The following TBC1D31 variants were observed in gnomAD, a reference collection of about 807,000 sequenced individuals.
TBC1D31 encodes the protein TBC1 domain family member 31.
A neutral mutation model predicts 132.9 loss-of-function variants in TBC1D31; 99 were observed. The observed-to-expected ratio is 0.74, with a 90% confidence interval of 0.63 to 0.88. The LOEUF (loss-of-function observed/expected upper bound fraction) is 0.88, where lower values mean the gene tolerates loss of function less well. TBC1D31 is among the 40% of genes least tolerant of loss of function. The probability of loss-of-function intolerance (pLI) is 0.00; values close to 1 mark genes in which losing one functional copy is unlikely to be tolerated. For synonymous variants in TBC1D31, 385 were observed against 419.4 expected, an observed-to-expected ratio of 0.92 and a Z score of 1.00; for missense variants, 1,134 against 1,256.6, an observed-to-expected ratio of 0.90 and a Z score of 1.48.
chr8:123,134,195 CT>C lies in TBC1D31; in HGVS notation c.2491del (p.Tyr831MetfsTer37). 6.2e-7 allele frequency: 1 copy of C among 1,613,586 alleles called. No individual in the cohort carries two copies. Among genetic ancestry groups the C allele is most frequent in the Non-Finnish European group, 8.5e-7 (1 of 1,179,620 alleles). On this transcript the variant is annotated frameshift_variant, in exon 17 of 22. Transcript: ENST00000287380. LOFTEE classifies it high-confidence loss of function. ...GCTGGAACTCGAATCACAAAAGAGA[CT>C]TTATGAGAAGGTATAATTCAGTTAT... ...RQLELESQKR[L>X]YEKNLTENQE... is the part of the protein sequence containing the mutation.
At position 123,095,926 on chromosome 8, in the gene TBC1D31, C is replaced by T. The variant is rs369564456; in HGVS notation, c.672-1356C>T. Among the ~76,000 whole-genome samples the T allele has an allele frequency of 3.3e-5, 5 of 152,118 alleles. No homozygotes were observed. In the South Asian group the frequency reaches 6.2e-4, roughly 19 times the overall value. On this transcript the variant is annotated intron_variant, in intron 5 of 21. Transcript: ENST00000287380. ...AGATGTTAATTCCTCTCTTTTCTCA[C>T]GCTGTTCTTCTAAGTCATCAGTAAA...
chr8:123,163,747 T>C, the TBC1D31 span, among the ~76,000 whole-genome samples: 1 of 152,192 alleles, frequency 6.6e-6, no homozygotes, highest in Non-Finnish European at 1.5e-5. Context: ...ATAAGTTCTT[T>C]AGTGGTGATT....
At chr8:123,084,052 A>T in intron 3 of TBC1D31, 110 bp from the exon 4 acceptor site, 1 of 896,834 alleles carries the variant, frequency 1.1e-6, no homozygotes, top group Non-Finnish European at 1.7e-6. Context: ...GAGGTGCCTC[A>T]TATAATACCT....
chr8:123,133,195 C>T (rs1820784988), intron 16 of TBC1D31, among the ~76,000 whole-genome samples: 1 of 152,222 alleles, frequency 6.6e-6, no homozygotes, highest in Non-Finnish European at 1.5e-5. Flanking sequence ...TTTGCTGTGG[C>T]ACATAGCTGT....
At chr8:123,100,736 C>G (rs150443150) in intron 6 of TBC1D31, 71 bp from the exon 7 acceptor site, 163 of 1,149,236 alleles carry the variant, frequency 1.4e-4, no homozygotes, top group Middle Eastern at 9.9e-4. Flanking sequence ...CACGTAAAGA[C>G]GTGTATATAG....
chr8:123,073,511 A>T (rs886233598), intron 1 of TBC1D31: 2 of 420,118 alleles, frequency 4.8e-6, no homozygotes, highest in Non-Finnish European at 9.5e-6. Context: ...TTCTGTTCCC[A>T]GTTACCTGTC....
At chr8:123,160,663 A>T in the TBC1D31 span, among the ~76,000 whole-genome samples, 1 of 152,068 alleles carries the variant, frequency 6.6e-6, no homozygotes, top group Non-Finnish European at 1.5e-5. Flanking sequence ...GCTTTTTCCA[A>T]ATTAGCCTAG....
chr8:123,138,633 G>T (rs962148548), intron 17 of TBC1D31, among the ~76,000 whole-genome samples: 9 of 152,112 alleles, frequency 5.9e-5, no homozygotes, highest in Non-Finnish European at 8.8e-5. Flanking sequence ...CTGTGCCCAT[G>T]GATTTGCCTA....
intron 20 of TBC1D31, among the ~76,000 whole-genome samples, chr8:123,149,319 T>C (rs568193941): frequency 2.0e-5 from 3 of 152,194 alleles, no homozygotes; most frequent in Non-Finnish European, 4.4e-5. Flanking sequence ...AACCATTAGC[T>C]AAAGCTTTTC....
At chr8:123,149,189 G>T (rs1822543006) in intron 20 of TBC1D31, among the ~76,000 whole-genome samples, 1 of 152,136 alleles carries the variant, frequency 6.6e-6, no homozygotes, top group African/African-American at 2.4e-5. Context: ...CCTCCGCCAT[G>T]TCCCGCCCTT....
the TBC1D31 span, among the ~76,000 whole-genome samples, chr8:123,159,279 AAAAAG>A: frequency 3.2e-4 from 39 of 120,674 alleles, no homozygotes; most frequent in African/African-American, 1.2e-3. Context: ...AAAAAAAAAA[AAAAAG>A]AAAAAGAAAA....
chr8:123,080,480 G>A (rs1178478309), intron 2 of TBC1D31, among the ~76,000 whole-genome samples: 1 of 143,288 alleles, frequency 7.0e-6, no homozygotes, highest in East Asian at 2.1e-4. Flanking sequence ...GCAAATTTAT[G>A]TAAACTTTTA....
intron 4 of TBC1D31, among the ~76,000 whole-genome samples, chr8:123,085,188 A>G (rs2129923615): frequency 6.6e-6 from 1 of 152,274 alleles, no homozygotes; most frequent in Admixed American, 6.5e-5. Flanking sequence ...TGTTGATTTA[A>G]AATTTATATA....
At chr8:123,157,963 C>T in the TBC1D31 span, among the ~76,000 whole-genome samples, 1 of 151,764 alleles carries the variant, frequency 6.6e-6, no homozygotes, top group Non-Finnish European at 1.5e-5. Flanking sequence ...TTTTCACCAC[C>T]ATTCCTGTGG....
chr8:123,163,047 G>A, the TBC1D31 span, among the ~76,000 whole-genome samples: 36 of 151,990 alleles, frequency 2.4e-4, no homozygotes, highest in South Asian at 6.3e-3. Flanking sequence ...GGCGGCTCTC[G>A]AACTCCTGAT....
At chr8:123,158,770 G>C in the TBC1D31 span, among the ~76,000 whole-genome samples, 2 of 152,120 alleles carry the variant, frequency 1.3e-5, no homozygotes, top group Non-Finnish European at 2.9e-5. Flanking sequence ...TCTCGGAGTG[G>C]ATGGGGGTGG....
At chr8:123,135,525 C>T (rs913623141) in intron 17 of TBC1D31, among the ~76,000 whole-genome samples, 40 of 151,928 alleles carry the variant, frequency 2.6e-4, no homozygotes, top group African/African-American at 9.0e-4. Context: ...CACTTGAGCC[C>T]GGGGGACGGA....
chr8:123,087,827 ATAAAAC>A (rs1173558306), intron 4 of TBC1D31, among the ~76,000 whole-genome samples: 1 of 152,262 alleles, frequency 6.6e-6, no homozygotes, highest in Non-Finnish European at 1.5e-5. Flanking sequence ...TGCTATAAGA[ATAAAAC>A]TAAATGTGAA....
rs1171710159 is a variant in TBC1D31 at position 123,093,502 on chromosome 8, T to A, written c.520-89T>A. ...CCAGCTTAAGAAAATAATATTTTAA[T>A]AAAGAAAAATAGACTACTTGTATAA... is the stretch of plus-strand genomic sequence containing the variant. On this transcript the variant is annotated intron_variant, in intron 4 of 21. Coordinates refer to ENST00000287380, the MANE Select transcript of TBC1D31 (RefSeq NM_145647.4). 4.7e-6 allele frequency: 4 copies of A among 849,686 alleles called. No homozygotes were observed. In the African/African-American group the frequency reaches 6.8e-5, roughly 14 times the overall value. 52.6% of individuals were successfully genotyped at this position (849,686 alleles called of 1,614,324 possible).
Sources: allele counts gnomAD v4.1 joint callset (sites outside exome capture counted in the v4.1 genomes callset), GRCh38; gene constraint gnomAD v4.1.1; transcripts MANE v1.5; gene names NCBI Gene and HGNC (gene_info 2026-07-23, HGNC 2026-07-21).